Variants in UBR1 observed in about 807,000 individuals in gnomAD.
UBR1 encodes E3 ubiquitin-protein ligase UBR1.
A neutral mutation model predicts 242.1 loss-of-function variants in UBR1; 102 were observed. The observed-to-expected ratio is 0.42, with a 90% CI of 0.36 to 0.50. The LOEUF is 0.50. Ranked by LOEUF, UBR1 falls within the 20% of genes least tolerant of loss-of-function variation. The pLI is 0.01. For synonymous variants in UBR1, 675 were observed against 684.8 expected, an observed-to-expected ratio of 0.99 and a Z score of 0.22; for missense variants, 1,772 against 2,101.8, an observed-to-expected ratio of 0.84 and a Z score of 3.07.
At chr15:43,087,527 C>T (rs1376010012) in intron 1 of UBR1, among the ~76,000 whole-genome samples, 1 of 151,932 alleles carries the variant, frequency 6.6e-6, no homozygotes, top group Non-Finnish European at 1.5e-5. Flanking sequence ...ACTAATGAAC[C>T]TCAATATTCC....
intron 22 of UBR1, 142 bp from the exon 23 acceptor site, chr15:43,026,805 C>T (rs1382915563): frequency 2.9e-6 from 2 of 686,208 alleles, no homozygotes; most frequent in Non-Finnish European, 4.9e-6. Context: ...AATTCCATTG[C>T]AATAATAAAA....
chr15:43,007,109 GC>G lies in UBR1; in HGVS notation c.3384del (p.Gln1128HisfsTer7). 1 of 1,614,098 alleles carries G rather than the reference GC, an allele frequency of 6.2e-7. No homozygotes were observed. Among genetic ancestry groups the G allele is most frequent in the Non-Finnish European group, 8.5e-7 (1 of 1,180,026 alleles). On this transcript the variant is annotated frameshift_variant, in exon 30 of 47. Coordinates refer to ENST00000290650, the MANE Select transcript of UBR1 (RefSeq NM_174916.3). LOFTEE classifies it high-confidence loss of function. ...GAGAGTTCTATGGGTTTTCCCCTGT[GC>G]TGGGTTAAGGCAGTAGATTTCTGGA... ...ACVQKSTALT[Q>X]HRGKPIELSG...
intron 12 of UBR1, 120 bp from the exon 13 acceptor site, chr15:43,048,611 T>C: frequency 1.3e-6 from 1 of 776,740 alleles, no homozygotes; most frequent in Non-Finnish European, 2.1e-6. Flanking sequence ...CTCACAATAA[T>C]TAGAAGCTCT....
At position 43,058,366 on chromosome 15, in the gene UBR1, T is replaced by C; in HGVS notation, c.1157A>G (p.Lys386Arg). 6.2e-7 allele frequency: 1 copy of C among 1,610,130 alleles called. No individual in the cohort carries two copies. Among genetic ancestry groups the C allele is most frequent in the East Asian group, 2.2e-5 (1 of 44,742 alleles). ...SSFFMEMEYK[K>R]LFAMEFVKYY... is the part of the protein sequence containing the mutation. The stretch of plus-strand genomic sequence containing the variant: ...CTTCACAAATTCCATAGCAAAGAGT[T>C]TTTTGTATTCCATCTCCATAAAAAA... Residue 386 changes from lysine to arginine, a missense_variant, in exon 10 of 47, where the codon AAA becomes AGA. By Grantham distance (26) the Lys-to-Arg change is conservative. Coordinates refer to ENST00000290650, the MANE Select transcript of UBR1 (RefSeq NM_174916.3).
chr15:43,038,033 T>C, intron 16 of UBR1, 138 bp downstream of exon 16: 1 of 1,201,610 alleles, frequency 8.3e-7, no homozygotes, highest in Non-Finnish European at 1.2e-6. Flanking sequence ...CAGATTACAA[T>C]GTACTATATG....
In UBR1 at chr15:43,027,798, T is replaced by C. The variant is rs1567130321; in HGVS notation, c.2410A>G (p.Ile804Val). 1.2e-6 allele frequency: 2 copies of C among 1,612,852 alleles called. No individual in the cohort carries two copies. The highest frequency in any genetic ancestry group is 1.1e-5 in the South Asian group (1 of 91,066). Residue 804 changes from isoleucine to valine, a missense_variant, in exon 22 of 47, where the codon ATA (isoleucine) becomes GTA (valine). Physicochemically the swap from Ile to Val is conservative, Grantham distance 29. Around this residue, in one of 3 missense-constraint regions of UBR1, gnomAD observed 73 missense variants for 128.9 expected, o/e 0.57. Transcript: ENST00000290650. ...TACTTAAATGTGGCCACTTTGTTTA[T>C]GACATTCTCTAAGCCAGTTTCATTA... is the stretch of plus-strand genomic sequence containing the variant. ...ENNETGLENV[I>V]NKVATFKKPG...
chr15:42,945,385 C>A lies in UBR1; in HGVS notation c.5194G>T (p.Ala1732Ser), dbSNP rs760804119. The change falls in exon 47 of 47, where the codon GCT becomes TCT. Residue 1732 changes from alanine to serine, a missense_variant. Physicochemically the swap from Ala to Ser is moderately conservative, Grantham distance 99. Coordinates refer to ENST00000290650, the MANE Select transcript of UBR1 (RefSeq NM_174916.3). ...ATCTGATTAGTCTCTTGGCTCCTAG[C>A]AATCTCTTCTATAATGCAGTGTTGT... is the stretch of plus-strand genomic sequence containing the variant. ...WQQHCIIEEI[A>S]RSQETNQMLF... 14 of 1,614,020 alleles carry A rather than the reference C, an allele frequency of 8.7e-6. No individual in the cohort carries two copies. Among genetic ancestry groups the A allele is most frequent in the Admixed American group, 6.7e-5 (4 of 59,996 alleles).
intron 19 of UBR1, among the ~76,000 whole-genome samples, chr15:43,033,799 A>C (rs1346898401): frequency 6.6e-6 from 1 of 152,200 alleles, no homozygotes; most frequent in Non-Finnish European, 1.5e-5. Context: ...CTGGTACTTC[A>C]AATATTCAAA....
chr15:43,083,615 C>G (rs1248817747), intron 2 of UBR1, among the ~76,000 whole-genome samples: 1 of 151,988 alleles, frequency 6.6e-6, no homozygotes, highest in African/African-American at 2.4e-5. Flanking sequence ...CTCCTGACCT[C>G]AAGTGATCTG....
chr15:43,017,828 CA>C (rs1232539841), intron 27 of UBR1, among the ~76,000 whole-genome samples: 1 of 150,898 alleles, frequency 6.6e-6, no homozygotes, highest in Non-Finnish European at 1.5e-5. Flanking sequence ...AAAAAAGATA[CA>C]AAATGGAAAG....
intron 29 of UBR1, among the ~76,000 whole-genome samples, chr15:43,008,505 T>G (rs1159799273): frequency 1.3e-5 from 2 of 152,246 alleles, no homozygotes; most frequent in African/African-American, 2.4e-5. Context: ...TGGCTCAGCA[T>G]GGGCCTGCAG....
chr15:42,950,677 T>C, intron 45 of UBR1: 1 of 361,120 alleles, frequency 2.8e-6, no homozygotes, highest in Non-Finnish European at 5.2e-6. Flanking sequence ...GTGGCTGGGG[T>C]TGTTTCTATT....
intron 1 of UBR1, among the ~76,000 whole-genome samples, chr15:43,096,172 CTCT>C (rs1348576180): frequency 4.0e-5 from 6 of 150,304 alleles, no homozygotes; most frequent in African/African-American, 1.5e-4. Context: ...GGCAATTTCT[CTCT>C]TTTTTTTTTT....
intron 5 of UBR1, among the ~76,000 whole-genome samples, 187 bp downstream of exon 5, chr15:43,070,608 C>T (rs574265356): frequency 1.1e-4 from 16 of 152,264 alleles, no homozygotes; most frequent in African/African-American, 3.6e-4. Context: ...TTTGGCTTAG[C>T]TTCTGGATGG....
chr15:43,077,213 G>A (rs1221092512), intron 3 of UBR1, among the ~76,000 whole-genome samples: 2 of 152,006 alleles, frequency 1.3e-5, no homozygotes, highest in Non-Finnish European at 2.9e-5. Flanking sequence ...ATAGAAGGGC[G>A]GGAAGGGTGG....
At position 42,945,199 on chromosome 15, in the gene UBR1, A is replaced by G. The variant is rs1023041766; in HGVS notation, c.*130T>C. 8.2e-7 allele frequency: 1 copy of G among 1,215,322 alleles called. No homozygotes were observed. The highest frequency in any genetic ancestry group is 1.2e-6 in the Non-Finnish European group (1 of 843,886). 75.3% of individuals were successfully genotyped at this position (1,215,322 alleles called of 1,614,324 possible). A position where few individuals can be genotyped will look rare whatever the true frequency, so the allele number is the denominator to read the frequency against. Reference sequence around the variant, plus strand: ...TACTCCATTAAGAAATATTTTATTGATGTAAGTGAACCTGGACATGGAGCA... The same window carrying G: ...TACTCCATTAAGAAATATTTTATTGGTGTAAGTGAACCTGGACATGGAGCA... On this transcript the variant is annotated 3_prime_UTR_variant, in exon 47 of 47. Transcript: ENST00000290650.
intron 1 of UBR1, among the ~76,000 whole-genome samples, chr15:43,098,362 C>T (rs8042279): frequency 0.012 from 1,884 of 152,228 alleles, 39 homozygotes; most frequent in African/African-American, 0.041. Context: ...AAATGTGACA[C>T]AATGACACGA....
chr15:42,962,861 T>G lies in UBR1; in HGVS notation c.4700+1074A>C, dbSNP rs140420000. On this transcript the variant is annotated intron_variant, in intron 42 of 46. Transcript: ENST00000290650. ...CTTCCCCTCCCACTGGCTGAACCCATGCAGAAGTCAGCTGACAAGGTAGAC... is the reference window on the plus strand; with the variant it reads ...CTTCCCCTCCCACTGGCTGAACCCAGGCAGAAGTCAGCTGACAAGGTAGAC... 2.6e-5 allele frequency among the ~76,000 whole-genome samples: 4 copies of G among 152,142 alleles called. No individual in the cohort carries two copies. In the South Asian group the frequency reaches 8.3e-4, roughly 32 times the overall value.
At chr15:43,079,624 C>CA (rs978490830) in intron 3 of UBR1, among the ~76,000 whole-genome samples, 218 of 151,624 alleles carry the variant, frequency 1.4e-3, no homozygotes, top group Non-Finnish European at 2.4e-3. Context: ...CTAAAAAATA[C>CA]AAAAAAAATT....
Sources: allele counts gnomAD v4.1 joint callset (sites outside exome capture counted in the v4.1 genomes callset), GRCh38; gene constraint gnomAD v4.1.1; regional missense constraint gnomAD v4.1.1; transcripts MANE v1.5; gene names NCBI Gene and HGNC (gene_info 2026-07-23, HGNC 2026-07-21).